The following ZNF138 variants were observed in gnomAD, a reference collection of about 807,000 sequenced individuals.
ZNF138 encodes the protein zinc finger protein 138 (clone pHZ-32).
A neutral mutation model predicts 33.0 loss-of-function variants in ZNF138; 33 were observed. The observed-to-expected ratio is 1.00, with a 90% CI of 0.76 to 1.34. The LOEUF (loss-of-function observed/expected upper bound fraction) is 1.34. Ranked by LOEUF, ZNF138 falls within the 40% of genes most tolerant of loss-of-function variation. The pLI, the probability that ZNF138 is intolerant of heterozygous loss-of-function variation, is 0.00. For synonymous variants in ZNF138, 139 were observed against 120.4 expected (o/e 1.15, Z -1.01); for missense variants, 360 against 370.8 (o/e 0.97, Z 0.24).
chr7:64,800,311 A>G (rs1261833928), intron 1 of ZNF138, among the ~76,000 whole-genome samples: 1 of 152,130 alleles, frequency 6.6e-6, no homozygotes, highest in Non-Finnish European at 1.5e-5. Context: ...TCCATTCAGT[A>G]CGTTGGTTGT....
chr7:64,838,246 C>T (rs1057495039), downstream of ZNF138, among the ~76,000 whole-genome samples: 2 of 152,164 alleles, frequency 1.3e-5, no homozygotes, highest in South Asian at 4.1e-4. Context: ...GCGGCCGCTC[C>T]GAGGCCGGGG....
At chr7:64,842,999 T>A in the ZNF138 span, among the ~76,000 whole-genome samples, 1 of 152,250 alleles carries the variant, frequency 6.6e-6, no homozygotes, top group South Asian at 2.1e-4. Flanking sequence ...AAATAACTTG[T>A]GTCTGGTGGC....
rs1370216050 is a variant in ZNF138 at position 64,833,642 on chromosome 7, TAATA to T, written c.*1443_*1446del. The T allele has an allele frequency of 3.3e-5, 5 of 152,426 alleles. No homozygotes were observed. Among genetic ancestry groups the T allele is most frequent in the African/African-American group, 1.2e-4 (5 of 41,480 alleles). 9.4% of individuals were successfully genotyped at this position (152,426 alleles called of 1,614,324 possible). On this transcript the variant is annotated 3_prime_UTR_variant, in exon 4 of 4. Transcript: ENST00000307355. ...TATTCAACATTAGAGAGTTAGTACT[TAATA>T]AAAGCATTATAAATGCAATTACTGT...
At chr7:64,811,466 C>G (rs771049860) in intron 1 of ZNF138, among the ~76,000 whole-genome samples, 27 of 152,142 alleles carry the variant, frequency 1.8e-4, no homozygotes, top group Admixed American at 4.6e-4. Flanking sequence ...CTACCTCGGC[C>G]TCCTGAGTAG....
At position 64,794,463 on chromosome 7, in the gene ZNF138, A is replaced by T; in HGVS notation, c.-106A>T. 3 of 1,555,152 alleles carry T rather than the reference A, an allele frequency of 1.9e-6. No individual in the cohort carries two copies. The highest frequency in any genetic ancestry group is 2.2e-5 in the South Asian group (2 of 90,064). On this transcript the variant is annotated 5_prime_UTR_variant, in exon 1 of 4. Coordinates refer to ENST00000307355, the MANE Select transcript of ZNF138 (RefSeq NM_001271639.2). ...AGCGGGTGCTGCAGGTCTGGCCTTC[A>T]CTTTTCTGCGTCCTCTTACTCCTAG...
At chr7:64,810,816 G>C (rs891564546) in intron 1 of ZNF138, among the ~76,000 whole-genome samples, 3 of 152,182 alleles carry the variant, frequency 2.0e-5, no homozygotes, top group East Asian at 3.9e-4. Context: ...GATTAGAAGA[G>C]ATGAGAGTAC....
chr7:64,809,129 C>A (rs1235231766), intron 1 of ZNF138, among the ~76,000 whole-genome samples: 26 of 117,398 alleles, frequency 2.2e-4, no homozygotes, highest in Non-Finnish European at 4.0e-4. Flanking sequence ...GGTGGCCGGG[C>A]AGAGGGGCTC....
chr7:64,823,719 C>T (rs931547514), intron 3 of ZNF138, among the ~76,000 whole-genome samples: 2 of 152,164 alleles, frequency 1.3e-5, no homozygotes, highest in Non-Finnish European at 2.9e-5. Context: ...GCGGGTGGAT[C>T]ACGAGGTCAG....
At chr7:64,844,174 G>A in the ZNF138 span, among the ~76,000 whole-genome samples, 2 of 152,198 alleles carry the variant, frequency 1.3e-5, no homozygotes, top group African/African-American at 2.4e-5. Context: ...GGCTTAAGAT[G>A]TCCTCCCTCT....
chr7:64,845,701 T>C, the ZNF138 span, among the ~76,000 whole-genome samples: 1 of 152,224 alleles, frequency 6.6e-6, no homozygotes, highest in Non-Finnish European at 1.5e-5. Flanking sequence ...TTTTCATATG[T>C]TTGCTGGCCA....
chr7:64,799,810 A>T (rs1466234659), intron 1 of ZNF138, among the ~76,000 whole-genome samples: 1 of 151,782 alleles, frequency 6.6e-6, no homozygotes, highest in Non-Finnish European at 1.5e-5. Context: ...CGCCTGGCTA[A>T]TTTTTTGTTT....
intron 1 of ZNF138, chr7:64,814,232 T>C (rs1325949840): frequency 4.3e-6 from 3 of 702,810 alleles, no homozygotes; most frequent in East Asian, 2.1e-4. Context: ...CTCGAGTTTA[T>C]TGTACACATT....
chr7:64,818,277 C>T (rs182908619), intron 3 of ZNF138, among the ~76,000 whole-genome samples: 9 of 152,160 alleles, frequency 5.9e-5, no homozygotes, highest in Non-Finnish European at 8.8e-5. Flanking sequence ...CGATCCACCA[C>T]GCCCAGCCTG....
chr7:64,798,128 A>C (rs1191912053), intron 1 of ZNF138, among the ~76,000 whole-genome samples: 1 of 152,112 alleles, frequency 6.6e-6, no homozygotes, highest in Non-Finnish European at 1.5e-5. Flanking sequence ...TTTACTAGAA[A>C]TGGGGTTTTG....
chr7:64,858,546 G>A, the ZNF138 span, among the ~76,000 whole-genome samples: 1 of 152,152 alleles, frequency 6.6e-6, no homozygotes, highest in African/African-American at 2.4e-5. Flanking sequence ...TGAGTCTTCA[G>A]GATATGATTC....
intron 1 of ZNF138, among the ~76,000 whole-genome samples, chr7:64,799,173 CT>C (rs199688669): frequency 0.014 from 2,024 of 147,748 alleles, 41 homozygotes; most frequent in African/African-American, 0.046. Context: ...CTTTTCTTTT[CT>C]TTTTTTTTTG....
downstream of ZNF138, among the ~76,000 whole-genome samples, chr7:64,837,074 A>G (rs1026135958): frequency 2.0e-5 from 3 of 152,214 alleles, no homozygotes; most frequent in Non-Finnish European, 2.9e-5. Flanking sequence ...GCTTTCCTCG[A>G]GAAGAACCTG....
rs1787829300 is a variant in ZNF138, at chr7:64,808,801, G to T, written c.4-6117G>T. Among the ~76,000 whole-genome samples, 4 of 119,122 alleles carry T rather than the reference G, an allele frequency of 3.4e-5. 1 individual carries two copies. The highest frequency in any genetic ancestry group is 1.1e-4 in the African/African-American group (4 of 37,360). 78.1% of individuals were successfully genotyped at this position (119,122 alleles called of 152,430 possible). Reference sequence around the variant, plus strand: ...TAGGGAGTGGTGATGACTCTTAGCTGCCTTCAAGCATCTGTTTAACAAAGC... The same window carrying T: ...TAGGGAGTGGTGATGACTCTTAGCTTCCTTCAAGCATCTGTTTAACAAAGC... On this transcript the variant is annotated intron_variant, in intron 1 of 3. Transcript: ENST00000307355.
At chr7:64,812,117 A>T (rs893676251) in intron 1 of ZNF138, among the ~76,000 whole-genome samples, 1 of 10,830 alleles carries the variant, frequency 9.2e-5, no homozygotes, top group African/African-American at 1.5e-4. Context: ...GTGAGGACAG[A>T]ATCAAGTAAG....
Sources: allele counts gnomAD v4.1 joint callset (sites outside exome capture counted in the v4.1 genomes callset), GRCh38; gene constraint gnomAD v4.1.1; transcripts MANE v1.5; gene names NCBI Gene and HGNC (gene_info 2026-07-23, HGNC 2026-07-21).